ERCC6: variants seen among roughly 807,000 people sequenced by gnomAD.
ERCC6 encodes DNA excision repair protein ERCC-6.
ERCC6 carries 116 observed loss-of-function variants against 158.7 expected under a neutral mutation model. The ratio of observed to expected loss-of-function variants is 0.73; its 90% CI spans 0.63 to 0.85. The LOEUF is 0.85. Ranked by LOEUF, ERCC6 falls within the 40% of genes least tolerant of loss-of-function variation. The probability of loss-of-function intolerance (pLI) is 0.00; values close to 1 mark genes in which losing one functional copy is unlikely to be tolerated. For missense variants in ERCC6, 1,698 were observed against 1,799.4 expected (o/e 0.94, Z 1.02); for synonymous variants, 678 against 659.3 (o/e 1.03, Z -0.43).
At chr10:49,492,560 G>A (rs192375996) in intron 8 of ERCC6, among the ~76,000 whole-genome samples, 118 of 152,258 alleles carry the variant, frequency 7.7e-4, no homozygotes, top group African/African-American at 2.6e-3. Context: ...CACAGATAAA[G>A]CTCTTTTTTG....
At chr10:49,489,118 T>C (rs1001898060) in intron 8 of ERCC6, among the ~76,000 whole-genome samples, 9 of 152,198 alleles carry the variant, frequency 5.9e-5, no homozygotes, top group Non-Finnish European at 1.3e-4. Flanking sequence ...TGCACTTCAC[T>C]GTTTCCATCT....
At chr10:49,461,666 C>T in intron 18 of ERCC6, 110 bp from the exon 19 acceptor site, 1 of 1,045,426 alleles carries the variant, frequency 9.6e-7, no homozygotes, top group Non-Finnish European at 1.4e-6. Flanking sequence ...AGTGATAGTA[C>T]ACTTAGAAAA....
intron 7 of ERCC6, among the ~76,000 whole-genome samples, chr10:49,496,530 G>A (rs937799379): frequency 9.2e-5 from 14 of 152,232 alleles, no homozygotes; most frequent in African/African-American, 1.4e-4. Flanking sequence ...ATTTTTGGCC[G>A]GGTACAGTGG....
chr10:49,529,834 A>C (rs1310610719), intron 3 of ERCC6, among the ~76,000 whole-genome samples: 5 of 152,154 alleles, frequency 3.3e-5, no homozygotes, highest in African/African-American at 1.2e-4. Context: ...GGGGTACATA[A>C]ATCATAAAAA....
Position 49,470,298 on chromosome 10 carries a change from C to A in ERCC6, c.3662G>T (p.Arg1221Leu). 1 of 1,614,098 alleles carries A rather than the reference C, an allele frequency of 6.2e-7. No homozygotes were observed. Among genetic ancestry groups the A allele is most frequent in the Non-Finnish European group, 8.5e-7 (1 of 1,180,022 alleles). ...CCTTTTCTTCACCAGGTGTGGAATT[C>A]GAGTTCCTTCAAACTTGGCGTCTCT... ...HCRDAKFEGT[R>L]IPHLVKKRRY... The change falls in exon 18 of 21, where the codon CGA becomes CTA. Residue 1221 changes from arginine to leucine, a missense_variant. Arg to Leu is a moderately radical substitution (Grantham distance 102). Transcript: ENST00000355832.
intron 18 of ERCC6, among the ~76,000 whole-genome samples, chr10:49,463,984 T>G (rs774638955): frequency 6.6e-6 from 1 of 152,158 alleles, no homozygotes; most frequent in Non-Finnish European, 1.5e-5. Context: ...GGAGGTGCGC[T>G]CCTGAAAAGA....
chr10:49,482,966 C>T, intron 9 of ERCC6, 103 bp from the exon 10 acceptor site: 1 of 1,168,888 alleles, frequency 8.6e-7, no homozygotes, highest in East Asian at 2.5e-5. Flanking sequence ...ATTTACTCAT[C>T]ATTCTTGCAT....
At chr10:49,526,375 T>C (rs1837340927) in intron 4 of ERCC6, among the ~76,000 whole-genome samples, 1 of 151,902 alleles carries the variant, frequency 6.6e-6, no homozygotes, top group African/African-American at 2.4e-5. Flanking sequence ...ATTTATCTTT[T>C]GGATAGCCTT....
intron 5 of ERCC6, among the ~76,000 whole-genome samples, chr10:49,512,113 A>G (rs888569202): frequency 6.6e-6 from 1 of 152,172 alleles, no homozygotes; most frequent in African/African-American, 2.4e-5. Context: ...AAATGTCAAA[A>G]CACCTATTGC....
rs183988801 is a variant in ERCC6 at position 49,467,917 on chromosome 10, G to A, written c.3778+2265C>T. On this transcript the variant is annotated intron_variant, in intron 18 of 20. Transcript: ENST00000355832. ...CATTGTGAATTTCATCTTGTTGGATGTTGGGTATTTGTATATTCCTGTAAA... is the reference window on the plus strand; with the variant it reads ...CATTGTGAATTTCATCTTGTTGGATATTGGGTATTTGTATATTCCTGTAAA... Among the ~76,000 whole-genome samples, 26 of 152,202 alleles carry A rather than the reference G, an allele frequency of 1.7e-4. No individual in the cohort carries two copies. In the East Asian group the frequency reaches 3.7e-3, roughly 21 times the overall value.
In ERCC6 at chr10:49,482,725, TG is replaced by T; in HGVS notation, c.2130del (p.Ile711SerfsTer28). 1 of 1,613,986 alleles carries T rather than the reference TG, an allele frequency of 6.2e-7. No homozygotes were observed. The highest frequency in any genetic ancestry group is 8.5e-7 in the Non-Finnish European group (1 of 1,179,968). ...GCATTTGAATATCCCCCCATGGTGA[TG>T]GGGACGGAGAACTGCTCCATAAACA... ...LPVFMEQFSV[P>X]ITMGGYSNAS... On this transcript the variant is annotated frameshift_variant, in exon 10 of 21. Transcript: ENST00000355832. LOFTEE classifies it high-confidence loss of function.
In ERCC6 at chr10:49,458,945, A is replaced by C; in HGVS notation, c.4352T>G (p.Leu1451Arg). Residue 1451 changes from leucine (L) to arginine (R), a missense_variant, in exon 21 of 21, where the codon CTG becomes CGG. Physicochemically the swap from Leu to Arg is moderately radical, Grantham distance 102 (BLOSUM62 -2). Transcript: ENST00000355832. ...AGATAACTTGGATTCAAACTCCTGC[A>C]GTATCTCCCTGGTGCTGGCCTGGCC... ...TDGQASTREI[L>R]QEFESKLSAS... 1.2e-6 allele frequency: 2 copies of C among 1,614,210 alleles called. No homozygotes were observed. Among genetic ancestry groups the C allele is most frequent in the Non-Finnish European group, 8.5e-7 (1 of 1,180,024 alleles).
intron 10 of ERCC6, among the ~76,000 whole-genome samples, chr10:49,479,672 G>A (rs1207647209): frequency 1.3e-5 from 2 of 152,074 alleles, no homozygotes. Flanking sequence ...AAAGAAAACT[G>A]CCCCCACATC....
At chr10:49,524,905 T>TCTAAAGC (rs1283696655) in intron 4 of ERCC6, 128 bp from the exon 5 acceptor site, 1 of 1,527,522 alleles carries the variant, frequency 6.5e-7, no homozygotes, top group African/African-American at 1.4e-5. Context: ...ATCATCCATG[T>TCTAAAGC]ACTAAAGCAT....
At chr10:49,475,327 C>A in intron 12 of ERCC6, 1 of 394,812 alleles carries the variant, frequency 2.5e-6, no homozygotes, top group South Asian at 2.0e-5. Flanking sequence ...TTAATTTCAC[C>A]TGTTTCTCTT....
chr10:49,470,035 A>G (rs1437018523), intron 18 of ERCC6, 147 bp downstream of exon 18: 1 of 763,660 alleles, frequency 1.3e-6, no homozygotes, highest in Non-Finnish European at 2.3e-6. Flanking sequence ...TTAAAATGTC[A>G]ATATATTTCA....
intron 18 of ERCC6, among the ~76,000 whole-genome samples, chr10:49,468,917 C>T (rs781525731): frequency 1.1e-4 from 17 of 152,114 alleles, no homozygotes; most frequent in Non-Finnish European, 2.4e-4. Context: ...AAGGAGCTCC[C>T]ACCCATGAGG....
chr10:49,521,525 C>T (rs1837162541), intron 5 of ERCC6, among the ~76,000 whole-genome samples: 1 of 152,224 alleles, frequency 6.6e-6, no homozygotes, highest in East Asian at 1.9e-4. Flanking sequence ...ACCGTGGTAG[C>T]ACAAAGTAAA....
intron 8 of ERCC6, 100 bp from the exon 9 acceptor site, chr10:49,483,616 AAACAT>A (rs1350157595): frequency 5.1e-6 from 6 of 1,177,650 alleles, no homozygotes; most frequent in Non-Finnish European, 7.5e-6. Flanking sequence ...GCACAAATAC[AAACAT>A]AACATGCACA....
Sources: gnomAD v4.1 joint callset for allele counts (sites outside exome capture counted in the v4.1 genomes callset) on GRCh38, gnomAD v4.1.1 for gene constraint, MANE v1.5 for transcripts, NCBI Gene and HGNC (gene_info 2026-07-23, HGNC 2026-07-21) for gene names.